Variants in SLC24A3 observed in about 807,000 individuals in gnomAD.
SLC24A3 encodes solute carrier family 24 member 3, also known as sodium/potassium/calcium exchanger 3.
A neutral mutation model predicts 75.8 loss-of-function variants in SLC24A3; 28 were observed. That is an observed-to-expected ratio of 0.37 (90% CI 0.27 to 0.51). SLC24A3 has a LOEUF of 0.51. SLC24A3 is among the 20% of genes least tolerant of loss of function. The pLI is 0.94. For missense variants in SLC24A3, 663 were observed against 847.8 expected (o/e 0.78, Z 2.71); for synonymous variants, 372 against 334.1 (o/e 1.11, Z -1.24).
intron 2 of SLC24A3, among the ~76,000 whole-genome samples, chr20:19,299,664 G>A (rs190944683): frequency 9.8e-5 from 15 of 152,298 alleles, no homozygotes; most frequent in East Asian, 1.9e-4. Flanking sequence ...TTATGTAAAC[G>A]CAGAGAGGAG....
Position 19,479,241 on chromosome 20 carries a change from C to G in SLC24A3, c.272-36247C>G, listed in dbSNP as rs78125575. ...GTCCACTTAGTTTCACCACCTTCAC[C>G]AGGAATATCTGACTGTGGGCGAGCC... On this transcript the variant is annotated intron_variant, in intron 2 of 16. Coordinates refer to ENST00000328041, the MANE Select transcript of SLC24A3 (RefSeq NM_020689.4). 1.7e-3 allele frequency among the ~76,000 whole-genome samples: 264 copies of G among 152,338 alleles called. 1 individual carries two copies. The highest frequency in any genetic ancestry group is 3.4e-3 in the Middle Eastern group (1 of 294).
intron 2 of SLC24A3, among the ~76,000 whole-genome samples, chr20:19,354,233 AAATAAGT>A (rs1021207367): frequency 6.6e-6 from 1 of 152,226 alleles, no homozygotes; most frequent in African/African-American, 2.4e-5. Flanking sequence ...AAATAATTAG[AAATAAGT>A]AATTTGAAAA....
chr20:19,253,342 A>G (rs1982718433), intron 1 of SLC24A3, among the ~76,000 whole-genome samples: 1 of 151,910 alleles, frequency 6.6e-6, no homozygotes, highest in Non-Finnish European at 1.5e-5. Flanking sequence ...ATTGTTTTAG[A>G]CTCTGGGGTC....
At chr20:19,584,062 G>T (rs1005402394) in intron 4 of SLC24A3, among the ~76,000 whole-genome samples, 3 of 152,232 alleles carry the variant, frequency 2.0e-5, no homozygotes, top group Non-Finnish European at 4.4e-5. Flanking sequence ...AAGCTTGACT[G>T]CCAGGAGGGA....
At chr20:19,265,939 C>G (rs1983152441) in intron 1 of SLC24A3, 1 of 153,126 alleles carries the variant, frequency 6.5e-6, no homozygotes, top group African/African-American at 2.4e-5. Context: ...GCTGGTGGTG[C>G]AGTGGGTGGG....
At chr20:19,388,725 T>A (rs1465362430) in intron 2 of SLC24A3, among the ~76,000 whole-genome samples, 2 of 152,202 alleles carry the variant, frequency 1.3e-5, no homozygotes, top group African/African-American at 2.4e-5. Flanking sequence ...CCTATTTGCA[T>A]GGAATTTCTT....
At position 19,434,946 on chromosome 20, in the gene SLC24A3, A is replaced by G. The variant is rs568812950; in HGVS notation, c.272-80542A>G. On this transcript the variant is annotated intron_variant, in intron 2 of 16. Coordinates refer to ENST00000328041, the MANE Select transcript of SLC24A3 (RefSeq NM_020689.4). ...GACAGTTATCTTGGCAACAGCCAAG[A>G]TATTCAAAATTTCAAAAAATTCAAA... 3.3e-5 allele frequency among the ~76,000 whole-genome samples: 5 copies of G among 152,346 alleles called. No individual in the cohort carries two copies. The East Asian group carries it at 9.6e-4, about 29-fold the overall frequency.
At chr20:19,222,030 A>G (rs759192807) in intron 1 of SLC24A3, among the ~76,000 whole-genome samples, 25 of 150,640 alleles carry the variant, frequency 1.7e-4, no homozygotes, top group Non-Finnish European at 2.8e-4. Flanking sequence ...CTTCTCTCCA[A>G]TTTCTCTCAT....
intron 4 of SLC24A3, among the ~76,000 whole-genome samples, chr20:19,580,760 T>G (rs1357227297): frequency 3.9e-5 from 6 of 152,220 alleles, no homozygotes. Flanking sequence ...TTTTATTTAT[T>G]TATTTATATT....
chr20:19,642,922 A>G (rs2032092935), intron 6 of SLC24A3, among the ~76,000 whole-genome samples: 1 of 152,198 alleles, frequency 6.6e-6, no homozygotes, highest in Non-Finnish European at 1.5e-5. Flanking sequence ...TCTTTAATGC[A>G]GGGGGGAAAT....
chr20:19,295,414 G>T (rs1984035168), intron 2 of SLC24A3, among the ~76,000 whole-genome samples: 1 of 152,196 alleles, frequency 6.6e-6, no homozygotes, highest in Admixed American at 6.5e-5. Flanking sequence ...GTGAGATGGG[G>T]CATCCTTGCC....
chr20:19,368,430 C>T (rs1461582081), intron 2 of SLC24A3, among the ~76,000 whole-genome samples: 1 of 152,216 alleles, frequency 6.6e-6, no homozygotes, highest in Non-Finnish European at 1.5e-5. Context: ...ACTTCATGGT[C>T]CTCCTCAGCA....
intron 2 of SLC24A3, among the ~76,000 whole-genome samples, chr20:19,365,532 G>A (rs1328051613): frequency 6.6e-6 from 1 of 152,174 alleles, no homozygotes; most frequent in Non-Finnish European, 1.5e-5. Flanking sequence ...GTGAGGCAGT[G>A]ATCTGGCTGA....
chr20:19,451,857 T>C (rs935373516), intron 2 of SLC24A3, among the ~76,000 whole-genome samples: 4 of 152,234 alleles, frequency 2.6e-5, no homozygotes, highest in Admixed American at 6.5e-5. Context: ...GGGAATCAAC[T>C]TGGTCTCTGT....
chr20:19,704,256 C>T lies in SLC24A3; in HGVS notation c.1719+5576C>T, dbSNP rs528731518. ...AAAGAAGAACAGAGCAGTAGGGTGACTTGAGAAGAGAGTAGGGGGGCAAGC... is the reference window on the plus strand; with the variant it reads ...AAAGAAGAACAGAGCAGTAGGGTGATTTGAGAAGAGAGTAGGGGGGCAAGC... On this transcript the variant is annotated intron_variant, in intron 15 of 16. Transcript: ENST00000328041. Among the ~76,000 whole-genome samples, 24 of 152,068 alleles carry T rather than the reference C, an allele frequency of 1.6e-4. No homozygotes were observed. The South Asian group carries it at 5.0e-3, about 32-fold the overall frequency.
chr20:19,581,587 T>G (rs1170074859), intron 4 of SLC24A3, among the ~76,000 whole-genome samples: 1 of 152,148 alleles, frequency 6.6e-6, no homozygotes, highest in African/African-American at 2.4e-5. Context: ...TGAGGTGTTA[T>G]TTTACTAGGT....
At chr20:19,588,840 G>A (rs2031334459) in intron 6 of SLC24A3, among the ~76,000 whole-genome samples, 1 of 152,182 alleles carries the variant, frequency 6.6e-6, no homozygotes, top group Non-Finnish European at 1.5e-5. Context: ...ACCACAAACA[G>A]AAATTATGCA....
chr20:19,262,030 A>T (rs966474005), intron 1 of SLC24A3, among the ~76,000 whole-genome samples: 1 of 152,098 alleles, frequency 6.6e-6, no homozygotes, highest in African/African-American at 2.4e-5. Flanking sequence ...TCCCTTCCTT[A>T]TGTTAGCATC....
intron 12 of SLC24A3, among the ~76,000 whole-genome samples, chr20:19,689,504 G>C (rs927231633): frequency 6.6e-6 from 1 of 152,222 alleles, no homozygotes; most frequent in Non-Finnish European, 1.5e-5. Context: ...GGTCAGGGAA[G>C]TTTTTTCTCT....
Sources: allele counts gnomAD v4.1 joint callset (sites outside exome capture counted in the v4.1 genomes callset), GRCh38; gene constraint gnomAD v4.1.1; transcripts MANE v1.5; gene names NCBI Gene and HGNC (gene_info 2026-07-23, HGNC 2026-07-21).